Variants in UPF2 observed in about 807,000 individuals in gnomAD.
The protein encoded by UPF2 is UPF2 regulator of nonsense mediated mRNA decay, also known as regulator of nonsense transcripts 2.
In UPF2, 17 loss-of-function variants were observed where a neutral mutation model predicts 141.4. The observed-to-expected ratio is 0.12, with a 90% CI of 0.08 to 0.18. UPF2 has a LOEUF of 0.18. Ranked by LOEUF, UPF2 falls within the 10% of genes least tolerant of loss-of-function variation. The pLI is 1.00. For missense variants in UPF2, 1,152 were observed against 1,515.9 expected, an observed-to-expected ratio of 0.76 and a Z score of 3.99; for synonymous variants, 540 against 498.0, an observed-to-expected ratio of 1.08 and a Z score of -1.12.
In UPF2 at chr10:12,004,509, T is replaced by C. The variant is rs751386845; in HGVS notation, c.1504+21A>G. 1.9e-6 allele frequency: 3 copies of C among 1,580,886 alleles called. No individual in the cohort carries two copies. The Admixed American group carries it at 5.5e-5, about 29-fold the overall frequency. On this transcript the variant is annotated intron_variant, in intron 5 of 21. Transcript: ENST00000357604. ...TAATTCTTATAGCACTTAATGTAAATATTTTTTCTCTAGAATTTACCTTTG... is the reference window on the plus strand; with the variant it reads ...TAATTCTTATAGCACTTAATGTAAACATTTTTTCTCTAGAATTTACCTTTG...
chr10:11,932,789 G>A (rs930650725), intron 19 of UPF2, among the ~76,000 whole-genome samples: 3 of 152,106 alleles, frequency 2.0e-5, no homozygotes, highest in Non-Finnish European at 4.4e-5. Flanking sequence ...GCTACTCCAT[G>A]ACTGTAGCTA....
At chr10:11,972,221 T>C (rs1833430840) in intron 9 of UPF2, among the ~76,000 whole-genome samples, 1 of 152,186 alleles carries the variant, frequency 6.6e-6, no homozygotes, top group Non-Finnish European at 1.5e-5. Context: ...CAAATAGTTA[T>C]TCACCCAAAT....
intron 8 of UPF2, among the ~76,000 whole-genome samples, chr10:11,983,563 G>A (rs7921865): frequency 0.16 from 23,938 of 151,994 alleles, 2,093 homozygotes; most frequent in South Asian, 0.27. Flanking sequence ...TAGTAGAGAC[G>A]GGGTTTCACT....
intron 8 of UPF2, among the ~76,000 whole-genome samples, chr10:11,991,729 G>A (rs1008482908): frequency 2.0e-5 from 3 of 152,204 alleles, no homozygotes; most frequent in Non-Finnish European, 4.4e-5. Context: ...TAAAAGGTAT[G>A]AGCTGTGGAT....
Position 12,029,262 on chromosome 10 carries a change from C to A in UPF2, c.628G>T (p.Val210Leu), listed in dbSNP as rs757787445. ...TCAGAGATTTTTAGTTTTGCTTCCA[C>A]GATGGAAGCTACAGCTTCTGCAATG... is the stretch of plus-strand genomic sequence containing the variant. ...KYIAEAVASI[V>L]EAKLKISDVN... The change falls in exon 3 of 22, where the codon GTG (valine) becomes TTG (leucine). Residue 210 changes from valine (V) to leucine (L), a missense_variant. By Grantham distance (32) the Val-to-Leu change is conservative (BLOSUM62 1). Coordinates refer to ENST00000357604, the MANE Select transcript of UPF2 (RefSeq NM_015542.4). The A allele has an allele frequency of 1.9e-6, 3 of 1,614,132 alleles. No homozygotes were observed. Among genetic ancestry groups the A allele is most frequent in the Non-Finnish European group, 2.5e-6 (3 of 1,180,022 alleles).
intron 9 of UPF2, among the ~76,000 whole-genome samples, chr10:11,971,023 A>T (rs2131213716): frequency 6.6e-6 from 1 of 152,166 alleles, no homozygotes; most frequent in Middle Eastern, 3.4e-3. Context: ...ATCCTGTATC[A>T]TCCACATCAT....
chr10:12,007,692 G>A (rs908554948), intron 4 of UPF2, among the ~76,000 whole-genome samples: 31 of 151,746 alleles, frequency 2.0e-4, no homozygotes, highest in Non-Finnish European at 2.6e-4. Context: ...TTAGCCGGCC[G>A]TGGTGGCAGG....
intron 18 of UPF2, among the ~76,000 whole-genome samples, chr10:11,941,987 T>C (rs1403022504): frequency 6.6e-6 from 1 of 152,196 alleles, no homozygotes; most frequent in Non-Finnish European, 1.5e-5. Context: ...ATTCAACTAA[T>C]AAATGGAAGA....
chr10:12,018,971 A>G (rs2131292733), intron 3 of UPF2, among the ~76,000 whole-genome samples: 1 of 152,332 alleles, frequency 6.6e-6, no homozygotes, highest in South Asian at 2.1e-4. Flanking sequence ...CTTTACATCA[A>G]TGTTATCAAA....
intron 16 of UPF2, among the ~76,000 whole-genome samples, chr10:11,945,058 C>T (rs542648110): frequency 6.6e-6 from 1 of 152,204 alleles, no homozygotes; most frequent in Non-Finnish European, 1.5e-5. Context: ...ACAATAAATG[C>T]TCAGTAAATA....
At chr10:11,925,935 G>A (rs1832707227) in intron 21 of UPF2, among the ~76,000 whole-genome samples, 1 of 152,172 alleles carries the variant, frequency 6.6e-6, no homozygotes, top group Non-Finnish European at 1.5e-5. Context: ...TAAGCAGAAG[G>A]GCACACACAG....
chr10:12,020,188 C>CT (rs1242139739), intron 3 of UPF2, among the ~76,000 whole-genome samples: 5 of 151,370 alleles, frequency 3.3e-5, no homozygotes, highest in Non-Finnish European at 7.4e-5. Context: ...TTTTTATTGA[C>CT]TTTTTTATAT....
At chr10:12,023,651 C>CT (rs1427006238) in intron 3 of UPF2, among the ~76,000 whole-genome samples, 1 of 151,416 alleles carries the variant, frequency 6.6e-6, no homozygotes, top group Non-Finnish European at 1.5e-5. Context: ...GACCATGCCA[C>CT]TGCACTCCAG....
At chr10:12,036,492 A>G in intron 1 of UPF2, among the ~76,000 whole-genome samples, 1 of 152,232 alleles carries the variant, frequency 6.6e-6, no homozygotes, top group East Asian at 1.9e-4. Context: ...TGGCTTCCAT[A>G]CACAGCAGGG....
In UPF2 at chr10:11,987,680, T is replaced by C. The variant is rs1035995579; in HGVS notation, c.1845-8515A>G. On this transcript the variant is annotated intron_variant, in intron 8 of 21. Coordinates refer to ENST00000357604, the MANE Select transcript of UPF2 (RefSeq NM_015542.4). ...GGGAGGCTGAGGCGGGAGAATCACT[T>C]AAGCCCAGGAGACAGAGGTTGCAGT... 1.1e-4 allele frequency among the ~76,000 whole-genome samples: 15 copies of C among 139,318 alleles called. No homozygotes were observed. In the East Asian group the frequency reaches 2.8e-3, roughly 26 times the overall value. The allele number at this position is 139,318 out of a possible 152,430, so 91.4% of individuals were successfully genotyped here.
At position 12,019,379 on chromosome 10, in the gene UPF2, T is replaced by C. The variant is rs1007074061; in HGVS notation, c.1146-5195A>G. Among the ~76,000 whole-genome samples, 23 of 152,254 alleles carry C rather than the reference T, an allele frequency of 1.5e-4. No individual in the cohort carries two copies. Among genetic ancestry groups the C allele is most frequent in the Non-Finnish European group, 3.1e-4 (21 of 68,050 alleles). ...TCCCAAAACATTCTACTTTTGACTATTTTTCAACCATTTAAAAAAGTAAAA... is the reference window on the plus strand; with the variant it reads ...TCCCAAAACATTCTACTTTTGACTACTTTTCAACCATTTAAAAAAGTAAAA... On this transcript the variant is annotated intron_variant, in intron 3 of 21. Transcript: ENST00000357604. The surrounding 1 kb of genome is among the most constrained non-coding windows in gnomAD (Gnocchi z 4.5).
chr10:12,038,458 A>G (rs1834674783), intron 1 of UPF2, among the ~76,000 whole-genome samples: 1 of 147,712 alleles, frequency 6.8e-6, no homozygotes. Flanking sequence ...GCTGGGCACC[A>G]TGGCTCACTC....
At chr10:11,967,307 T>A in intron 10 of UPF2, 34 bp downstream of exon 10, 2 of 1,258,868 alleles carry the variant, frequency 1.6e-6, no homozygotes, top group Non-Finnish European at 2.2e-6. Context: ...TTTAAACTTT[T>A]CAATTAAAAA....
intron 1 of UPF2, among the ~76,000 whole-genome samples, chr10:12,040,354 G>A (rs771824092): frequency 5.9e-5 from 9 of 152,064 alleles, no homozygotes; most frequent in East Asian, 3.9e-4. Flanking sequence ...CCCGGGAGGC[G>A]GAGGTTGCAG....
Sources: gnomAD v4.1 joint callset for allele counts (sites outside exome capture counted in the v4.1 genomes callset) on GRCh38, gnomAD v4.1.1 for gene constraint, Gnocchi (gnomAD v3.1) non-coding constraint, MANE v1.5 for transcripts, NCBI Gene and HGNC (gene_info 2026-07-23, HGNC 2026-07-21) for gene names.